PPP2R3A: variants seen among roughly 807,000 people sequenced by gnomAD.
The protein encoded by PPP2R3A is serine/threonine-protein phosphatase 2A regulatory subunit B'' subunit alpha.
A neutral mutation model predicts 106.9 loss-of-function variants in PPP2R3A; 80 were observed. That is an observed-to-expected ratio of 0.75 (90% CI 0.62 to 0.90). PPP2R3A has a LOEUF of 0.90. Among genes scored for constraint, PPP2R3A ranks in the 40% least tolerant of loss-of-function variants. The probability of loss-of-function intolerance (pLI) is 0.00; values close to 1 mark genes in which losing one functional copy is unlikely to be tolerated. For synonymous variants in PPP2R3A, 483 were observed against 468.3 expected, an observed-to-expected ratio of 1.03 and a Z score of -0.41; for missense variants, 1,386 against 1,350.4, an observed-to-expected ratio of 1.03 and a Z score of -0.41.
chr3:136,116,935 A>G (rs1937785782), intron 13 of PPP2R3A, among the ~76,000 whole-genome samples: 2 of 152,236 alleles, frequency 1.3e-5, no homozygotes, highest in Non-Finnish European at 2.9e-5. Context: ...CAGAATATAC[A>G]TTCTCCTCAA....
At chr3:136,078,998 T>A (rs1936690530) in intron 7 of PPP2R3A, among the ~76,000 whole-genome samples, 1 of 152,238 alleles carries the variant, frequency 6.6e-6, no homozygotes, top group Non-Finnish European at 1.5e-5. Flanking sequence ...TCTTCATGCC[T>A]GATTGTTTAA....
At chr3:136,043,945 C>G (rs1935382386) in intron 4 of PPP2R3A, among the ~76,000 whole-genome samples, 1 of 152,188 alleles carries the variant, frequency 6.6e-6, no homozygotes, top group Non-Finnish European at 1.5e-5. Context: ...CCTTTTCTTT[C>G]TATTTCACAG....
chr3:136,030,598 T>C (rs890384576), intron 3 of PPP2R3A, among the ~76,000 whole-genome samples: 5 of 152,028 alleles, frequency 3.3e-5, no homozygotes, highest in African/African-American at 7.3e-5. Flanking sequence ...GTCATTCTTA[T>C]GCCTTTGCAT....
intron 1 of PPP2R3A, among the ~76,000 whole-genome samples, chr3:135,978,834 A>G (rs16843592): frequency 0.011 from 1,602 of 151,936 alleles, 60 homozygotes; most frequent in African/African-American, 0.038. Flanking sequence ...TTTGGTGCTA[A>G]GTCCATCTTC....
chr3:136,041,260 T>G (rs982997408), intron 4 of PPP2R3A, among the ~76,000 whole-genome samples: 8 of 123,434 alleles, frequency 6.5e-5, no homozygotes, highest in African/African-American at 2.6e-4. Flanking sequence ...GTTTTTTTTT[T>G]TGTTTTTTTT....
At position 135,975,358 on chromosome 3, in the gene PPP2R3A, G is replaced by C. The variant is rs995403136; in HGVS notation, c.-441+9509G>C. Among the ~76,000 whole-genome samples the C allele has an allele frequency of 2.0e-5, 3 of 152,166 alleles. No homozygotes were observed. The South Asian group carries it at 6.2e-4, about 32-fold the overall frequency. Reference sequence around the variant, plus strand: ...TCAGGGGCAGTGTTTCTCAGCCTTTGTCTGCAAACCTACAGGCCTTTATGT... The same window carrying C: ...TCAGGGGCAGTGTTTCTCAGCCTTTCTCTGCAAACCTACAGGCCTTTATGT... On this transcript the variant is annotated intron_variant, in intron 1 of 13. Transcript: ENST00000264977.
intron 12 of PPP2R3A, among the ~76,000 whole-genome samples, chr3:136,105,752 A>G (rs1377117238): frequency 1.3e-5 from 2 of 152,178 alleles, no homozygotes; most frequent in Non-Finnish European, 2.9e-5. Context: ...ACCTGAGGTC[A>G]GGAGTTCGAG....
At chr3:135,991,114 C>T (rs977360197) in intron 1 of PPP2R3A, among the ~76,000 whole-genome samples, 3 of 152,160 alleles carry the variant, frequency 2.0e-5, no homozygotes, top group African/African-American at 7.2e-5. Flanking sequence ...GATCCCCTCT[C>T]TGGTGTGTCG....
chr3:135,974,632 G>C (rs1020159775), intron 1 of PPP2R3A, among the ~76,000 whole-genome samples: 2 of 152,136 alleles, frequency 1.3e-5, no homozygotes, highest in African/African-American at 4.8e-5. Context: ...GTTTCTCCTA[G>C]TAAAGCTTCC....
chr3:136,002,588 G>A lies in PPP2R3A; in HGVS notation c.1090G>A (p.Asp364Asn), dbSNP rs1476391874. ...TGACAAGCCTAATTCTAGGAAGATGGACACTGTACAATCCATTCCAAACAA... is the reference window on the plus strand; with the variant it reads ...TGACAAGCCTAATTCTAGGAAGATGAACACTGTACAATCCATTCCAAACAA... The part of the protein sequence containing the change: ...QNDKPNSRKM[D>N]TVQSIPNNST... The change falls in exon 2 of 14, where the codon GAC (aspartate) becomes AAC (asparagine). Residue 364 changes from aspartate to asparagine, a missense_variant. By Grantham distance (23) the Asp-to-Asn change is conservative (BLOSUM62 1). Coordinates refer to ENST00000264977, the MANE Select transcript of PPP2R3A (RefSeq NM_002718.5). 14 of 1,613,756 alleles carry A rather than the reference G, an allele frequency of 8.7e-6. No homozygotes were observed. The highest frequency in any genetic ancestry group is 1.2e-5 in the Non-Finnish European group (14 of 1,179,882).
chr3:136,144,519 G>A (rs964541817), intron 13 of PPP2R3A, among the ~76,000 whole-genome samples: 1 of 152,132 alleles, frequency 6.6e-6, no homozygotes, highest in African/African-American at 2.4e-5. Flanking sequence ...AACTTAGCCA[G>A]GTGTGGTGGC....
At chr3:136,107,670 G>C (rs78406929) in intron 13 of PPP2R3A, among the ~76,000 whole-genome samples, 5,018 of 152,102 alleles carry the variant, frequency 0.033, 299 homozygotes, top group African/African-American at 0.11. Context: ...CATCAGCAAA[G>C]AGCTTTCTTT....
In PPP2R3A at chr3:136,002,946, A is replaced by C; in HGVS notation, c.1448A>C (p.Glu483Ala). ...AAATCATTTGTTAATCTACCTAAGG[A>C]AGACTGTAAATCAAAAGTTTCTAAA... ...FEKSFVNLPK[E>A]DCKSKVSKFE... Residue 483 changes from glutamate (E) to alanine (A), a missense_variant, in exon 2 of 14, where the codon GAA (glutamate) becomes GCA (alanine). Physicochemically the swap from Glu to Ala is moderately radical, Grantham distance 107. Transcript: ENST00000264977. 6.2e-7 allele frequency: 1 copy of C among 1,612,816 alleles called. No homozygotes were observed. Among genetic ancestry groups the C allele is most frequent in the Non-Finnish European group, 8.5e-7 (1 of 1,179,650 alleles).
intron 5 of PPP2R3A, among the ~76,000 whole-genome samples, chr3:136,061,485 G>T (rs560253220): frequency 1.3e-5 from 2 of 152,020 alleles, no homozygotes; most frequent in Non-Finnish European, 2.9e-5. Context: ...AAAATTAGCC[G>T]GGTGTGGTGG....
intron 11 of PPP2R3A, 85 bp downstream of exon 11, chr3:136,102,267 A>T: frequency 6.9e-7 from 1 of 1,443,666 alleles, no homozygotes; most frequent in Non-Finnish European, 9.4e-7. Context: ...AAATTATTTA[A>T]CATTTCAGAG....
intron 3 of PPP2R3A, among the ~76,000 whole-genome samples, chr3:136,028,320 GGAAAT>G (rs1934740094): frequency 6.6e-6 from 1 of 152,174 alleles, no homozygotes; most frequent in Non-Finnish European, 1.5e-5. Context: ...TGATTTTAAA[GGAAAT>G]GAAAAGGAAT....
intron 2 of PPP2R3A, among the ~76,000 whole-genome samples, chr3:136,017,173 G>A (rs1934307101): frequency 6.6e-6 from 1 of 152,196 alleles, no homozygotes; most frequent in Non-Finnish European, 1.5e-5. Context: ...TAGGGTTTCT[G>A]CTGAGAAATC....
At chr3:136,054,914 G>T (rs1935811448) in intron 5 of PPP2R3A, among the ~76,000 whole-genome samples, 1 of 151,982 alleles carries the variant, frequency 6.6e-6, no homozygotes, top group African/African-American at 2.4e-5. Flanking sequence ...TCGGTTGTAG[G>T]GATATAGATA....
intron 13 of PPP2R3A, among the ~76,000 whole-genome samples, chr3:136,122,265 G>A (rs1938025445): frequency 6.6e-6 from 1 of 152,154 alleles, no homozygotes; most frequent in Admixed American, 6.5e-5. Context: ...ACGTTATGGT[G>A]AACTATGATC....
Sources: gnomAD v4.1 joint callset for allele counts (sites outside exome capture counted in the v4.1 genomes callset) on GRCh38, gnomAD v4.1.1 for gene constraint, MANE v1.5 for transcripts, NCBI Gene and HGNC (gene_info 2026-07-23, HGNC 2026-07-21) for gene names.